Variants in ATP1A4 observed in about 807,000 individuals in gnomAD.
The protein encoded by ATP1A4 is ATPase Na+/K+ transporting subunit alpha 4.
Under a neutral mutation model 114.3 loss-of-function variants are expected in ATP1A4, and 90 were observed. The ratio of observed to expected loss-of-function variants is 0.79; its 90% CI spans 0.66 to 0.94. The LOEUF (loss-of-function observed/expected upper bound fraction) is 0.94. Ranked by LOEUF, ATP1A4 falls within the 40% of genes least tolerant of loss-of-function variation. ATP1A4 has a pLI of 0.00. For missense variants in ATP1A4, 1,222 were observed against 1,313.6 expected (o/e 0.93, Z 1.08); for synonymous variants, 511 against 494.1 (o/e 1.03, Z -0.45).
In ATP1A4 at chr1:160,167,393, A is replaced by T; in HGVS notation, c.1472A>T (p.Asn491Ile). Residue 491 changes from asparagine to isoleucine, a missense_variant, in exon 10 of 22, where the codon AAT becomes ATT. Transcript: ENST00000368081. ...KNPKVAEIPF[N>I]STNKYQMSIH... ...CCCAAGGTGGCAGAGATTCCCTTTA[A>T]TTCTACCAACAAGTACCAGGTACAG... 1.2e-6 allele frequency: 2 copies of T among 1,613,032 alleles called. No individual in the cohort carries two copies. The highest frequency in any genetic ancestry group is 1.7e-6 in the Non-Finnish European group (2 of 1,179,766).
chr1:160,186,141 C>G, intron 20 of ATP1A4, 135 bp from the exon 21 acceptor site: 1 of 541,558 alleles, frequency 1.8e-6, no homozygotes, highest in South Asian at 1.5e-5. Flanking sequence ...ACTGCACTGT[C>G]TCCAGCACCC....
chr1:160,177,443 C>T, intron 17 of ATP1A4, 76 bp from the exon 18 acceptor site: 6 of 1,539,948 alleles, frequency 3.9e-6, no homozygotes, highest in Non-Finnish European at 4.4e-6. Flanking sequence ...TCCCAGCCCC[C>T]AGCCCTCCCC....
chr1:160,177,135 A>C (rs1296718938), intron 17 of ATP1A4, among the ~76,000 whole-genome samples: 1 of 152,238 alleles, frequency 6.6e-6, no homozygotes, highest in Non-Finnish European at 1.5e-5. Flanking sequence ...GAGAGTCATT[A>C]GAAGTCTTTG....
At position 160,159,092 on chromosome 1, in the gene ATP1A4, C is replaced by T. The variant is rs1652776466; in HGVS notation, c.616C>T (p.Arg206Ter). Residue 206 changes from arginine (R) to a stop codon, truncating the protein, a stop_gained, in exon 5 of 22, where the codon CGA becomes TGA. Transcript: ENST00000368081. LOFTEE classifies it high-confidence loss of function. ...GDLVEIKGGD[R>*]VPADLRLISA... ...CCTGGTGGAAATCAAGGGTGGAGAC[C>T]GAGTCCCTGCTGACCTCCGGCTTAT... 1.2e-6 allele frequency: 2 copies of T among 1,613,862 alleles called. No individual in the cohort carries two copies. The highest frequency in any genetic ancestry group is 1.1e-5 in the South Asian group (1 of 91,068).
chr1:160,184,611 T>C (rs1471876570), intron 20 of ATP1A4, among the ~76,000 whole-genome samples: 1 of 152,200 alleles, frequency 6.6e-6, no homozygotes, highest in Non-Finnish European at 1.5e-5. Flanking sequence ...TTAACTGATA[T>C]ATTGATATCA....
chr1:160,173,510 C>T (rs1400723510), intron 12 of ATP1A4, 71 bp from the exon 13 acceptor site: 1 of 1,577,858 alleles, frequency 6.3e-7, no homozygotes, highest in Non-Finnish European at 8.7e-7. Flanking sequence ...TGTCAGTTCT[C>T]AGAGGAGAAA....
At chr1:160,158,850 A>G in intron 4 of ATP1A4, 152 bp from the exon 5 acceptor site, 1 of 799,760 alleles carries the variant, frequency 1.3e-6, no homozygotes. Flanking sequence ...GGAATTTGCA[A>G]TCTGCCAAAG....
chr1:160,176,692 A>C, intron 17 of ATP1A4, 90 bp downstream of exon 17: 1 of 1,543,600 alleles, frequency 6.5e-7, no homozygotes, highest in Non-Finnish European at 8.8e-7. Flanking sequence ...AGTCAGGGAG[A>C]TATTTTCTCA....
chr1:160,171,585 G>C lies in ATP1A4; in HGVS notation c.1682G>C (p.Gly561Ala). 1.2e-6 allele frequency: 2 copies of C among 1,613,496 alleles called. No homozygotes were observed. Among genetic ancestry groups the C allele is most frequent in the South Asian group, 1.1e-5 (1 of 90,968 alleles). ...ELGGLGERVL[G>A]FCFLNLPSSF... Reference sequence around the variant, plus strand: ...GGTCCCTCCCTCTGTCTCTCTCCAGGCTTCTGCTTCTTGAATCTGCCTAGC... The same window carrying C: ...GGTCCCTCCCTCTGTCTCTCTCCAGCCTTCTGCTTCTTGAATCTGCCTAGC... The change falls in exon 12 of 22, where the codon GGC (glycine) becomes GCC (alanine). Residue 561 changes from glycine (G) to alanine (A), a missense_variant and splice_region_variant. Physicochemically the swap from Gly to Ala is moderately conservative, Grantham distance 60. Transcript: ENST00000368081.
intron 7 of ATP1A4, 118 bp downstream of exon 7, chr1:160,164,542 ATAGG>A: frequency 3.8e-6 from 4 of 1,061,266 alleles, no homozygotes; most frequent in Non-Finnish European, 4.1e-6. Flanking sequence ...TGATATGTAA[ATAGG>A]TATCAGGAAT....
intron 15 of ATP1A4, among the ~76,000 whole-genome samples, chr1:160,175,625 T>C (rs1653432720): frequency 6.6e-6 from 1 of 151,894 alleles, no homozygotes; most frequent in African/African-American, 2.4e-5. Flanking sequence ...AGGGATTCGA[T>C]CTTTGAAAAG....
At chr1:160,174,395 T>C in intron 14 of ATP1A4, 134 bp downstream of exon 14, 1 of 1,429,854 alleles carries the variant, frequency 7.0e-7, no homozygotes, top group Non-Finnish European at 9.4e-7. Context: ...ACCTCCATGG[T>C]GGCCTTCAGT....
intron 17 of ATP1A4, among the ~76,000 whole-genome samples, 195 bp downstream of exon 17, chr1:160,176,797 T>C (rs1653481370): frequency 6.6e-6 from 1 of 152,142 alleles, no homozygotes; most frequent in Admixed American, 6.5e-5. Context: ...CAAACATACA[T>C]AAAATGATAG....
In ATP1A4 at chr1:160,155,062, G is replaced by A; in HGVS notation, c.225G>A (p.Arg75=). 8 of 1,613,810 alleles carry A rather than the reference G, an allele frequency of 5.0e-6. No homozygotes were observed. The highest frequency in any genetic ancestry group is 5.1e-6 in the Non-Finnish European group (6 of 1,179,900). Residue 75 remains arginine (R), a synonymous_variant, in exon 3 of 22, where the codon AGG becomes AGA. Coordinates refer to ENST00000368081, the MANE Select transcript of ATP1A4 (RefSeq NM_144699.4). ...VDLTKGHSHQ[R]AKEILTRGGP... ...CTGCACAGGGCCATAGCCACCAAAG[G>A]GCAAAGGAAATCCTGACTCGAGGTG...
At chr1:160,175,213 C>G (rs1653417836) in intron 15 of ATP1A4, among the ~76,000 whole-genome samples, 1 of 152,204 alleles carries the variant, frequency 6.6e-6, no homozygotes, top group Non-Finnish European at 1.5e-5. Context: ...ATTACACACC[C>G]TCTTCCCCAG....
intron 7 of ATP1A4, 103 bp from the exon 8 acceptor site, chr1:160,166,425 C>T: frequency 1.4e-6 from 2 of 1,432,518 alleles, no homozygotes; most frequent in South Asian, 1.4e-5. Flanking sequence ...GAAGTAAGTA[C>T]AAAAAATCAA....
chr1:160,182,070 C>T (rs1202513455), intron 20 of ATP1A4, 39 bp downstream of exon 20: 12 of 1,505,022 alleles, frequency 8.0e-6, no homozygotes, highest in Non-Finnish European at 1.1e-5. Context: ...GATGTGCAGG[C>T]ACGGGGGAGC....
At chr1:160,175,671 G>C (rs890102025) in intron 15 of ATP1A4, among the ~76,000 whole-genome samples, 5 of 152,088 alleles carry the variant, frequency 3.3e-5, no homozygotes, top group Admixed American at 2.6e-4. Context: ...TTGCAAGGCA[G>C]GAGGAATGAA....
intron 15 of ATP1A4, among the ~76,000 whole-genome samples, chr1:160,175,765 C>A (rs1653437655): frequency 6.6e-6 from 1 of 152,108 alleles, no homozygotes; most frequent in Non-Finnish European, 1.5e-5. Context: ...CAAGCCCTGG[C>A]TGTTTCCATT....
Sources: gnomAD v4.1 joint callset for allele counts (sites outside exome capture counted in the v4.1 genomes callset) on GRCh38, gnomAD v4.1.1 for gene constraint, MANE v1.5 for transcripts, NCBI Gene and HGNC (gene_info 2026-07-23, HGNC 2026-07-21) for gene names.